ABCB11: variants seen among roughly 807,000 people sequenced by gnomAD.
The protein encoded by ABCB11 is bile salt export pump.
A neutral mutation model predicts 148.0 loss-of-function variants in ABCB11; 95 were observed. That is an observed-to-expected ratio of 0.64 (90% CI 0.54 to 0.76). The LOEUF is 0.76. ABCB11 is among the 30% of genes least tolerant of loss of function. ABCB11 has a pLI of 0.00. For synonymous variants in ABCB11, 591 were observed against 555.4 expected, an observed-to-expected ratio of 1.06 and a Z score of -0.90; for missense variants, 1,523 against 1,617.8, an observed-to-expected ratio of 0.94 and a Z score of 1.01.
chr2:169,011,870 GC>G (rs1280913382), intron 5 of ABCB11, among the ~76,000 whole-genome samples: 1 of 152,046 alleles, frequency 6.6e-6, no homozygotes, highest in Non-Finnish European at 1.5e-5. Context: ...TCACTATGTT[GC>G]CCAGGCTTGT....
Position 168,990,893 on chromosome 2 carries a change from C to A in ABCB11, c.816G>T (p.Lys272Asn), listed in dbSNP as rs1694494467. 4 of 1,613,080 alleles carry A rather than the reference C, an allele frequency of 2.5e-6. No individual in the cohort carries two copies. The highest frequency in any genetic ancestry group is 2.5e-6 in the Non-Finnish European group (3 of 1,179,360). ...CCACCACCCCTGCTTTGGCATAGGC[C>A]TTCAGCTCATAGTCCGTAAACTTGG... ...SVSKFTDYEL[K>N]AYAKAGVVAD... The change falls in exon 9 of 28, where the codon AAG becomes AAT. Residue 272 changes from lysine (K) to asparagine (N), a missense_variant. Physicochemically the swap from Lys to Asn is moderately conservative, Grantham distance 94. Coordinates refer to ENST00000650372, the MANE Select transcript of ABCB11 (RefSeq NM_003742.4).
At chr2:168,974,729 G>C (rs76213220) in intron 12 of ABCB11, among the ~76,000 whole-genome samples, 11,665 of 151,808 alleles carry the variant, frequency 0.077, 580 homozygotes, top group Non-Finnish European at 0.11. Flanking sequence ...ACTATTAAAA[G>C]TAATGGCAAA....
At chr2:168,935,083 G>T in intron 23 of ABCB11, 101 bp downstream of exon 23, 22 of 1,484,910 alleles carry the variant, frequency 1.5e-5, no homozygotes, top group Non-Finnish European at 1.9e-5. Flanking sequence ...AAGACACCAA[G>T]CTTGGGATGG....
At chr2:168,952,875 C>T (rs1263642427) in intron 19 of ABCB11, among the ~76,000 whole-genome samples, 2 of 151,516 alleles carry the variant, frequency 1.3e-5, no homozygotes, top group African/African-American at 4.8e-5. Flanking sequence ...ACTGCTTTTG[C>T]TGTATCTCAC....
rs1691155264 is a variant in ABCB11 at position 168,923,351 on chromosome 2, G to A, written c.*271C>T. The A allele has an allele frequency of 1.9e-6, 1 of 535,104 alleles. No homozygotes were observed. Among genetic ancestry groups the A allele is most frequent in the Non-Finnish European group, 3.3e-6 (1 of 299,424 alleles). 33.1% of individuals were successfully genotyped at this position (535,104 alleles called of 1,614,324 possible). ...CCTGCACAGAGAAGCACTGAGTGGT[G>A]GCTGAGCTGCCACTTGACATTGGGT... On this transcript the variant is annotated 3_prime_UTR_variant, in exon 28 of 28. Coordinates refer to ENST00000650372, the MANE Select transcript of ABCB11 (RefSeq NM_003742.4).
At chr2:168,929,827 G>A (rs1691486054) in intron 25 of ABCB11, among the ~76,000 whole-genome samples, 1 of 152,136 alleles carries the variant, frequency 6.6e-6, no homozygotes. Flanking sequence ...AAAGGAGGGA[G>A]TGGTGAGAGT....
At chr2:168,958,151 T>C in intron 18 of ABCB11, 23 bp from the exon 19 acceptor site, 1 of 1,603,984 alleles carries the variant, frequency 6.2e-7, no homozygotes, top group African/African-American at 1.3e-5. Context: ...GAGGGTTATA[T>C]TAATCATCTA....
chr2:168,981,156 TCTTC>T (rs1230057796), intron 10 of ABCB11, among the ~76,000 whole-genome samples: 1 of 152,174 alleles, frequency 6.6e-6, no homozygotes, highest in Non-Finnish European at 1.5e-5. Flanking sequence ...TGCTTCTCTT[TCTTC>T]CTTGTGGCTG....
At position 168,935,546 on chromosome 2, in the gene ABCB11, A is replaced by C. The variant is rs1366982927; in HGVS notation, c.2815-121T>G. ...GAATGTGGTACAAATCAGAGAATGC[A>C]TCATCTGGGAATACAAAGACGTGGC... On this transcript the variant is annotated intron_variant, in intron 22 of 27. Transcript: ENST00000650372. The C allele has an allele frequency of 3.1e-6, 4 of 1,296,680 alleles. No homozygotes were observed. The Admixed American group carries it at 6.8e-5, about 22-fold the overall frequency. 80.3% of individuals were successfully genotyped at this position (1,296,680 alleles called of 1,614,324 possible). A position where few individuals can be genotyped will look rare whatever the true frequency, so the allele number is the denominator to read the frequency against.
rs1173427769 is a variant in ABCB11 at position 168,922,085 on chromosome 2, A to G, written c.*1537T>C. 3.3e-5 allele frequency among the ~76,000 whole-genome samples: 5 copies of G among 151,892 alleles called. No individual in the cohort carries two copies. The highest frequency in any genetic ancestry group is 6.6e-5 in the Admixed American group (1 of 15,266). ...AGGATGGTCTCAATCTCTCGACCTC[A>G]TGATCCGCCCGCCTTGGCCTCCCAA... On this transcript the variant is annotated 3_prime_UTR_variant, in exon 28 of 28. Transcript: ENST00000650372.
chr2:168,979,824 G>A (rs1159696755), intron 11 of ABCB11, 42 bp downstream of exon 11: 1 of 694,158 alleles, frequency 1.4e-6, no homozygotes, highest in Non-Finnish European at 2.5e-6. Flanking sequence ...CCACCCCCCA[G>A]CCCCCACCTG....
chr2:168,925,463 G>A (rs1031795420), intron 26 of ABCB11, among the ~76,000 whole-genome samples: 1 of 152,144 alleles, frequency 6.6e-6, no homozygotes, highest in African/African-American at 2.4e-5. Flanking sequence ...TACCATAGAG[G>A]TATTGTGCTA....
rs1574445448 is a variant in ABCB11, at chr2:168,968,570, G to T, written c.2012-80C>A. 4 of 1,174,102 alleles carry T rather than the reference G, an allele frequency of 3.4e-6. No homozygotes were observed. The East Asian group carries it at 7.7e-5, about 22-fold the overall frequency. 72.7% of individuals were successfully genotyped at this position (1,174,102 alleles called of 1,614,324 possible). On this transcript the variant is annotated intron_variant, in intron 16 of 27. Transcript: ENST00000650372. ...CCAAGTAGAATTCTTTACTATGTTTGCTTAGAATATAATTACTATGTCAAA... is the reference window on the plus strand; with the variant it reads ...CCAAGTAGAATTCTTTACTATGTTTTCTTAGAATATAATTACTATGTCAAA...
chr2:168,998,896 A>AACTTGATAAT (rs2106020441), intron 5 of ABCB11, among the ~76,000 whole-genome samples: 1 of 152,164 alleles, frequency 6.6e-6, no homozygotes, highest in East Asian at 1.9e-4. Context: ...GGCTTTAGAG[A>AACTTGATAAT]ACTTGATAAT....
At position 168,923,271 on chromosome 2, in the gene ABCB11, G is replaced by A. The variant is rs1050277879; in HGVS notation, c.*351C>T. 1 of 324,334 alleles carries A rather than the reference G, an allele frequency of 3.1e-6. No homozygotes were observed. Among genetic ancestry groups the A allele is most frequent in the African/African-American group, 2.1e-5 (1 of 47,920 alleles). 20.1% of individuals were successfully genotyped at this position (324,334 alleles called of 1,614,324 possible). Reference sequence around the variant, plus strand: ...GTTCTCTGCCCTTGAGGAGTTCAAAGTGTCACTTACTCCCTGATGTCTCAC... The same window carrying A: ...GTTCTCTGCCCTTGAGGAGTTCAAAATGTCACTTACTCCCTGATGTCTCAC... On this transcript the variant is annotated 3_prime_UTR_variant, in exon 28 of 28. Coordinates refer to ENST00000650372, the MANE Select transcript of ABCB11 (RefSeq NM_003742.4).
intron 19 of ABCB11, among the ~76,000 whole-genome samples, chr2:168,951,141 A>AT (rs1176180092): frequency 6.6e-6 from 1 of 150,740 alleles, no homozygotes; most frequent in Non-Finnish European, 1.5e-5. Flanking sequence ...CTATGTGTCT[A>AT]TTTGTATACC....
At chr2:168,924,877 G>A (rs1691237055) in intron 26 of ABCB11, 74 bp from the exon 27 acceptor site, 3 of 1,254,414 alleles carry the variant, frequency 2.4e-6, no homozygotes, top group Non-Finnish European at 3.3e-6. Context: ...TCATGTCAAG[G>A]TCTCCTCTGT....
At chr2:168,949,294 A>G (rs1385336266) in intron 19 of ABCB11, among the ~76,000 whole-genome samples, 1 of 151,682 alleles carries the variant, frequency 6.6e-6, no homozygotes, top group Admixed American at 6.6e-5. Flanking sequence ...TAGTGCACCC[A>G]TCACCTGAAT....
intron 17 of ABCB11, among the ~76,000 whole-genome samples, chr2:168,964,990 A>G (rs2105948435): frequency 6.6e-6 from 1 of 151,974 alleles, no homozygotes. Flanking sequence ...AAAAAATTTA[A>G]ACCTTATAGA....
Sources: allele counts gnomAD v4.1 joint callset (sites outside exome capture counted in the v4.1 genomes callset), GRCh38; gene constraint gnomAD v4.1.1; transcripts MANE v1.5; gene names NCBI Gene and HGNC (gene_info 2026-07-23, HGNC 2026-07-21).